Variants in MRM1 observed in about 807,000 individuals in gnomAD.
MRM1 encodes the protein mitochondrial rRNA methyltransferase 1.
A neutral mutation model predicts 25.0 loss-of-function variants in MRM1; 24 were observed. That is an observed-to-expected ratio of 0.96 (90% CI 0.69 to 1.35). MRM1 has a LOEUF of 1.35. MRM1 is among the 40% of genes most tolerant of loss of function. The probability of loss-of-function intolerance (pLI) is 0.00; values close to 1 mark genes in which losing one functional copy is unlikely to be tolerated. For missense variants in MRM1, 431 were observed against 464.1 expected (o/e 0.93, Z 0.65); for synonymous variants, 188 against 199.2 (o/e 0.94, Z 0.47).
chr17:36,621,861 C>T, the MRM1 span, among the ~76,000 whole-genome samples: 43 of 152,182 alleles, frequency 2.8e-4, 1 homozygote, highest in Admixed American at 2.2e-3. Context: ...TGTCTATCCC[C>T]GTCTTCCTAC....
At position 36,602,098 on chromosome 17, in the gene MRM1, C is replaced by T. The variant is rs763209767; in HGVS notation, c.288C>T (p.Asp96=). 1 of 1,611,448 alleles carries T rather than the reference C, an allele frequency of 6.2e-7. No homozygotes were observed. Among genetic ancestry groups the T allele is most frequent in the Admixed American group, 1.7e-5 (1 of 60,028 alleles). Residue 96 remains aspartate (D), a synonymous_variant, in exon 1 of 5, where the codon GAC becomes GAT. Transcript: ENST00000614766. The surrounding 1 kb of genome is among the most constrained non-coding windows in gnomAD (Gnocchi z 4.1). ...TGCTCCGGATGGCCGAGGCGCGGGA[C>T]ATTCCAGTTCTGCGGCCCAGACGGC... The part of the protein sequence containing the change: ...AELLRMAEAR[D]IPVLRPRRQK...
downstream of MRM1, among the ~76,000 whole-genome samples, chr17:36,612,472 C>T (rs1261718399): frequency 2.0e-5 from 3 of 152,144 alleles, no homozygotes; most frequent in Non-Finnish European, 2.9e-5. Context: ...GTACCTGGCG[C>T]GGTGCCTATA....
the MRM1 span, among the ~76,000 whole-genome samples, chr17:36,632,329 C>T: frequency 4.6e-5 from 7 of 152,198 alleles, no homozygotes; most frequent in East Asian, 1.9e-4. Context: ...AGCCAGCTCC[C>T]GGCCATATAC....
the MRM1 span, among the ~76,000 whole-genome samples, chr17:36,633,168 G>A: frequency 6.6e-6 from 1 of 152,114 alleles, no homozygotes; most frequent in Non-Finnish European, 1.5e-5. Context: ...AACCCTGAGG[G>A]GAATGTCCCC....
At chr17:36,613,617 A>T (rs553743352), downstream of MRM1, among the ~76,000 whole-genome samples, 8 of 152,200 alleles carry the variant, frequency 5.3e-5, no homozygotes, top group East Asian at 1.5e-3. Context: ...CAGTGTACAC[A>T]TGTGGAAGCG....
chr17:36,631,407 C>T, the MRM1 span, among the ~76,000 whole-genome samples: 1 of 152,218 alleles, frequency 6.6e-6, no homozygotes, highest in Non-Finnish European at 1.5e-5. Context: ...TGCATGTGTG[C>T]ACCACTATCA....
the MRM1 span, among the ~76,000 whole-genome samples, chr17:36,631,869 C>A: frequency 2.1e-4 from 32 of 152,272 alleles, no homozygotes; most frequent in Non-Finnish European, 3.2e-4. Flanking sequence ...CTGGGCTGGG[C>A]AAGGTTGTCT....
chr17:36,625,348 T>C, the MRM1 span, among the ~76,000 whole-genome samples: 1 of 151,918 alleles, frequency 6.6e-6, no homozygotes, highest in Admixed American at 6.6e-5. Flanking sequence ...CGCCTTCTTC[T>C]TCTTCCTCTT....
At chr17:36,603,142 T>C in intron 2 of MRM1, 1 of 985,324 alleles carries the variant, frequency 1.0e-6, no homozygotes. Context: ...AGTATTGCTC[T>C]GCATATGGAA....
downstream of MRM1, among the ~76,000 whole-genome samples, chr17:36,611,128 G>T (rs184198862): frequency 1.1e-3 from 163 of 152,328 alleles, no homozygotes; most frequent in Non-Finnish European, 1.3e-3. Context: ...ATTTCTTAAA[G>T]CTACTAGTTG....
chr17:36,605,453 C>T (rs926972240), intron 2 of MRM1, among the ~76,000 whole-genome samples: 4 of 151,744 alleles, frequency 2.6e-5, no homozygotes, highest in African/African-American at 9.7e-5. Flanking sequence ...GGATTACAGG[C>T]GTGAGCCACC....
downstream of MRM1, among the ~76,000 whole-genome samples, chr17:36,610,721 G>A (rs1043803325): frequency 2.0e-5 from 3 of 152,180 alleles, no homozygotes; most frequent in Non-Finnish European, 4.4e-5. Flanking sequence ...TTGTCATTGG[G>A]GTCAAGGAGG....
In MRM1 at chr17:36,605,821, C is replaced by G. The variant is rs138457802; in HGVS notation, c.637-1849C>G. On this transcript the variant is annotated intron_variant, in intron 2 of 4. Transcript: ENST00000614766. The stretch of plus-strand genomic sequence containing the variant: ...TCTGCCTGTTTCCACTGCTACCACT[C>G]TGGCCCAAGCAAGTCACCATCATCT... 5.0e-3 allele frequency among the ~76,000 whole-genome samples: 758 copies of G among 152,194 alleles called. 4 individuals carry two copies. The highest frequency in any genetic ancestry group is 9.5e-3 in the Non-Finnish European group (644 of 68,018).
chr17:36,602,764 C>A lies in MRM1; in HGVS notation c.636+118C>A. 3 of 1,330,868 alleles carry A rather than the reference C, an allele frequency of 2.3e-6. No individual in the cohort carries two copies. Among genetic ancestry groups the A allele is most frequent in the Non-Finnish European group, 2.1e-6 (2 of 953,304 alleles). The allele number at this position is 1,330,868 out of a possible 1,614,324, so 82.4% of individuals were successfully genotyped here. On this transcript the variant is annotated intron_variant, in intron 2 of 4. Transcript: ENST00000614766. The surrounding 1 kb of genome is among the most constrained non-coding windows in gnomAD (Gnocchi z 4.1). ...GCATGTTGGCACCGCTTCCTTTGGC[C>A]TTCTAAATCCCTCTGGGGATGGAAG...
chr17:36,607,651 A>G lies in MRM1; in HGVS notation c.637-19A>G. On this transcript the variant is annotated intron_variant, in intron 2 of 4. Transcript: ENST00000614766. ...TAAAATAAAAAAAGAATTAGAACATATCTTCTTCCCCCTTTCAGACCAAAG... is the reference window on the plus strand; with the variant it reads ...TAAAATAAAAAAAGAATTAGAACATGTCTTCTTCCCCCTTTCAGACCAAAG... The G allele has an allele frequency of 6.2e-7, 1 of 1,601,316 alleles. No homozygotes were observed. Among genetic ancestry groups the G allele is most frequent in the Non-Finnish European group, 8.5e-7 (1 of 1,175,366 alleles).
the MRM1 span, among the ~76,000 whole-genome samples, chr17:36,632,283 C>T: frequency 1.3e-5 from 2 of 152,120 alleles, no homozygotes; most frequent in Non-Finnish European, 2.9e-5. Flanking sequence ...CAGGGTGCAG[C>T]TTGGGCCTGA....
chr17:36,615,587 A>AG, the MRM1 span, among the ~76,000 whole-genome samples: 1 of 151,676 alleles, frequency 6.6e-6, no homozygotes, highest in Non-Finnish European at 1.5e-5. Context: ...GGAACCCAGT[A>AG]GGCGGAGGTT....
Position 36,607,889 on chromosome 17 carries a change from C to G in MRM1, c.770-10C>G. The G allele has an allele frequency of 6.2e-7, 1 of 1,613,448 alleles. No homozygotes were observed. Among genetic ancestry groups the G allele is most frequent in the Non-Finnish European group, 8.5e-7 (1 of 1,179,568 alleles). On this transcript the variant is annotated splice_polypyrimidine_tract_variant and intron_variant, in intron 3 of 4. Coordinates refer to ENST00000614766, the MANE Select transcript of MRM1 (RefSeq NM_024864.5). Reference sequence around the variant, plus strand: ...TGGGCAACCCTAACCCTCAGCCCCACGCCCTGCAGGGAATGAGGGCTCAGG... The same window carrying G: ...TGGGCAACCCTAACCCTCAGCCCCAGGCCCTGCAGGGAATGAGGGCTCAGG...
chr17:36,628,347 C>G, the MRM1 span, among the ~76,000 whole-genome samples: 1 of 152,192 alleles, frequency 6.6e-6, no homozygotes, highest in Non-Finnish European at 1.5e-5. Flanking sequence ...GATTGCAGAA[C>G]AGGCTTCTCT....
Sources: allele counts gnomAD v4.1 joint callset (sites outside exome capture counted in the v4.1 genomes callset), GRCh38; gene constraint gnomAD v4.1.1; non-coding constraint Gnocchi (gnomAD v3.1); transcripts MANE v1.5; gene names NCBI Gene and HGNC (gene_info 2026-07-23, HGNC 2026-07-21).